The following ANGPT2 variants were observed in gnomAD, a reference collection of about 807,000 sequenced individuals.
ANGPT2 encodes angiopoietin 2.
In ANGPT2, 28 loss-of-function variants were observed where a neutral mutation model predicts 62.9. The observed-to-expected ratio is 0.44, with a 90% CI of 0.33 to 0.61. ANGPT2 has a LOEUF of 0.61. Among genes scored for constraint, ANGPT2 ranks in the 20% least tolerant of loss-of-function variants. The probability of loss-of-function intolerance (pLI) is 0.03; values close to 1 mark genes in which losing one functional copy is unlikely to be tolerated. For synonymous variants in ANGPT2, 284 were observed against 207.8 expected, an observed-to-expected ratio of 1.37 and a Z score of -3.15; for missense variants, 727 against 594.9, an observed-to-expected ratio of 1.22 and a Z score of -2.31.
chr8:6,509,494 C>T (rs931555674), intron 7 of ANGPT2, among the ~76,000 whole-genome samples: 29 of 152,260 alleles, frequency 1.9e-4, no homozygotes, highest in African/African-American at 6.5e-4. Context: ...GAGAATGCAG[C>T]AGACAAGGAA....
At chr8:6,552,887 C>T (rs1823904951) in intron 1 of ANGPT2, among the ~76,000 whole-genome samples, 1 of 151,892 alleles carries the variant, frequency 6.6e-6, no homozygotes, top group Admixed American at 6.6e-5. Flanking sequence ...ATGATTCCAA[C>T]TGTATGACAT....
chr8:6,505,765 A>C (rs377466614), intron 8 of ANGPT2, among the ~76,000 whole-genome samples: 385 of 79,668 alleles, frequency 4.8e-3, no homozygotes, highest in Middle Eastern at 0.022. Context: ...TATATATAGA[A>C]TATATATATT....
chr8:6,520,475 A>ATCC lies in ANGPT2; in HGVS notation c.800-487_800-485dup, dbSNP rs372558085. ...GCAGTGACACATCTCAGCTTACCGC[A>ATCC]TCCTCCTCCTCCCAGGTTTAAGTGA... On this transcript the variant is annotated intron_variant, in intron 4 of 8. Transcript: ENST00000629816. Among the ~76,000 whole-genome samples, 703 of 152,148 alleles carry ATCC rather than the reference A, an allele frequency of 4.6e-3. 5 individuals carry two copies. Among genetic ancestry groups the ATCC allele is most frequent in the African/African-American group, 0.016 (673 of 41,502 alleles).
Position 6,559,230 on chromosome 8 carries a change from A to AACAC in ANGPT2, c.288+3413_288+3416dup, listed in dbSNP as rs59299448. Among the ~76,000 whole-genome samples the AACAC allele has an allele frequency of 8.2e-3, 1,206 of 146,712 alleles. 8 individuals are homozygous for AACAC. Among genetic ancestry groups the AACAC allele is most frequent in the Middle Eastern group, 0.014 (4 of 290 alleles). On this transcript the variant is annotated intron_variant, in intron 1 of 8. Transcript: ENST00000629816. ...TGAGTGTTTTGTAGCCACACACGACAACACACACACACACACACACACACA... is the reference window on the plus strand; with the variant it reads ...TGAGTGTTTTGTAGCCACACACGACAACACACACACACACACACACACACACACA...
At chr8:6,516,535 A>T (rs2442627) in intron 5 of ANGPT2, among the ~76,000 whole-genome samples, 9,221 of 152,284 alleles carry the variant, frequency 0.061, 314 homozygotes, top group African/African-American at 0.079. Context: ...TCCAAGTTTA[A>T]ATCAGTTCAT....
intron 3 of ANGPT2, among the ~76,000 whole-genome samples, 197 bp from the exon 4 acceptor site, chr8:6,521,607 C>T (rs564697240): frequency 4.6e-5 from 7 of 152,272 alleles, no homozygotes; most frequent in East Asian, 1.9e-4. Context: ...TATATGTAAA[C>T]GTATAAGCAT....
intron 1 of ANGPT2, among the ~76,000 whole-genome samples, chr8:6,553,488 C>A (rs918655397): frequency 6.6e-6 from 1 of 152,108 alleles, no homozygotes; most frequent in Non-Finnish European, 1.5e-5. Flanking sequence ...CACACGTCAA[C>A]ATTTTTTTAA....
At position 6,505,293 on chromosome 8, in the gene ANGPT2, A is replaced by AG. The variant is rs1563305690; in HGVS notation, c.1328-2033_1328-2032insC. On this transcript the variant is annotated intron_variant, in intron 8 of 8. Coordinates refer to ENST00000629816, the MANE Select transcript of ANGPT2 (RefSeq NM_001118887.2). ...ATATGTATACATATATATGTTATAT[A>AG]CATATATATGTATATAACATATATA... Among the ~76,000 whole-genome samples, 24 of 69,568 alleles carry AG rather than the reference A, an allele frequency of 3.4e-4. 1 individual carries two copies. Among genetic ancestry groups the AG allele is most frequent in the East Asian group, 1.4e-3 (3 of 2,196 alleles). The allele number at this position is 69,568 out of a possible 152,430, so 45.6% of individuals were successfully genotyped here. A position where few individuals can be genotyped will look rare whatever the true frequency, so the allele number is the denominator to read the frequency against.
chr8:6,555,239 A>C (rs1180554143), intron 1 of ANGPT2, among the ~76,000 whole-genome samples: 2 of 152,160 alleles, frequency 1.3e-5, no homozygotes, highest in African/African-American at 4.8e-5. Context: ...GGACAATAAC[A>C]ATCAAACCGT....
intron 7 of ANGPT2, among the ~76,000 whole-genome samples, chr8:6,510,235 C>T (rs1048911432): frequency 2.0e-5 from 3 of 151,282 alleles, no homozygotes; most frequent in Admixed American, 6.6e-5. Flanking sequence ...TGGTTCAGGA[C>T]AGATCAGAGC....
chr8:6,513,029 A>G (rs1367450530), intron 7 of ANGPT2, among the ~76,000 whole-genome samples: 1 of 152,240 alleles, frequency 6.6e-6, no homozygotes, highest in East Asian at 1.9e-4. Flanking sequence ...AGTATCCATC[A>G]TTTATGCTAT....
chr8:6,518,131 G>A (rs1586298996), intron 5 of ANGPT2, among the ~76,000 whole-genome samples: 1 of 152,184 alleles, frequency 6.6e-6, no homozygotes, highest in African/African-American at 2.4e-5. Flanking sequence ...CACTTAGACT[G>A]AGAAACATAG....
At chr8:6,560,310 G>C (rs1825328840) in intron 1 of ANGPT2, among the ~76,000 whole-genome samples, 1 of 152,116 alleles carries the variant, frequency 6.6e-6, no homozygotes, top group Non-Finnish European at 1.5e-5. Flanking sequence ...TTAAATCAGT[G>C]GGTGTTAGGT....
Position 6,509,053 on chromosome 8 carries a change from A to T in ANGPT2, c.1206T>A (p.Leu402=). 1 of 1,613,994 alleles carries T rather than the reference A, an allele frequency of 6.2e-7. No individual in the cohort carries two copies. The stretch of plus-strand genomic sequence containing the variant: ...TGCCGGCTGTCCCTGTAAGTCCTTT[A>T]AGGTGAATCCTGTAAGCGTGCAAAG... ...SSEELNYRIH[L]KGLTGTAGKI... is the part of the protein sequence containing the mutation. Residue 402 remains leucine (L), a synonymous_variant, in exon 8 of 9, where the codon CTT becomes CTA. Transcript: ENST00000629816.
At chr8:6,527,734 A>G in intron 2 of ANGPT2, 58 bp from the exon 3 acceptor site, 3 of 1,473,514 alleles carry the variant, frequency 2.0e-6, no homozygotes, top group Non-Finnish European at 2.7e-6. Flanking sequence ...TAACTTTCTA[A>G]CTTCCTTTTC....
intron 1 of ANGPT2, among the ~76,000 whole-genome samples, chr8:6,551,029 G>T (rs545155502): frequency 6.6e-6 from 1 of 152,300 alleles, no homozygotes; most frequent in South Asian, 2.1e-4. Flanking sequence ...AACAAGTGAA[G>T]GCACTCCAAG....
rs537443444 is a variant in ANGPT2, at chr8:6,514,691, T to C, written c.1015A>G (p.Lys339Glu). 1.7e-5 allele frequency: 28 copies of C among 1,614,084 alleles called. No homozygotes were observed. In the African/African-American group the frequency reaches 2.5e-4, roughly 15 times the overall value. ...DGSVDFQRTW[K>E]EYKVGFGNPS... ...AATGTCCTTACCACTTTATATTCTT[T>C]CCAAGTCCTCTGAAAATCAACGCTG... The change falls in exon 6 of 9, where the codon AAA (lysine) becomes GAA (glutamate). Residue 339 changes from lysine (K) to glutamate (E), a missense_variant. Physicochemically the swap from Lys to Glu is moderately conservative, Grantham distance 56 (BLOSUM62 1). Coordinates refer to ENST00000629816, the MANE Select transcript of ANGPT2 (RefSeq NM_001118887.2).
At chr8:6,552,299 A>T (rs1344174970) in intron 1 of ANGPT2, among the ~76,000 whole-genome samples, 1 of 152,222 alleles carries the variant, frequency 6.6e-6, no homozygotes, top group Non-Finnish European at 1.5e-5. Flanking sequence ...TGACGATGGA[A>T]TGTGGCCATA....
Position 6,521,312 on chromosome 8 carries a change from T to C in ANGPT2, c.665A>G (p.Lys222Arg), listed in dbSNP as rs1817294770. Residue 222 changes from lysine to arginine, a missense_variant, in exon 4 of 9, where the codon AAG (lysine) becomes AGG (arginine). Physicochemically the swap from Lys to Arg is conservative, Grantham distance 26. Transcript: ENST00000629816. ...EKDQLQVLVSKQNSIIEELEK... is the reference protein window; with the variant it reads ...EKDQLQVLVSRQNSIIEELEK... ...TAGTTCTTCAATGATGGAATTTTGC[T>C]TGGATACTAACACCTGTAGCTGATC... 1 of 1,613,882 alleles carries C rather than the reference T, an allele frequency of 6.2e-7. No homozygotes were observed. Among genetic ancestry groups the C allele is most frequent in the East Asian group, 2.2e-5 (1 of 44,824 alleles).
Sources: allele counts gnomAD v4.1 joint callset (sites outside exome capture counted in the v4.1 genomes callset), GRCh38; gene constraint gnomAD v4.1.1; transcripts MANE v1.5; gene names NCBI Gene and HGNC (gene_info 2026-07-23, HGNC 2026-07-21).